Variants in NOC2L observed in about 807,000 individuals in gnomAD.
The protein encoded by NOC2L is nucleolar complex protein 2 homolog.
Under a neutral mutation model 94.2 loss-of-function variants are expected in NOC2L, and 101 were observed. The ratio of observed to expected loss-of-function variants is 1.07; its 90% CI spans 0.91 to 1.26. The LOEUF is 1.26. Among genes scored for constraint, NOC2L ranks in the 50% most tolerant of loss-of-function variants. NOC2L has a pLI of 0.00. For missense variants in NOC2L, 1,076 were observed against 980.1 expected (o/e 1.10, Z -1.31); for synonymous variants, 531 against 413.4 (o/e 1.28, Z -3.45).
In NOC2L at chr1:944,532, A is replaced by C; in HGVS notation, c.*162T>G. ...CCAGCCCAGCCCAGCCCAGCTCTCG[A>C]TACGTTTGGTCTTTCATGCTGAAAA... On this transcript the variant is annotated 3_prime_UTR_variant, in exon 19 of 19. Coordinates refer to ENST00000327044, the MANE Select transcript of NOC2L (RefSeq NM_015658.4). 1.6e-6 allele frequency: 1 copy of C among 623,478 alleles called. No homozygotes were observed. The highest frequency in any genetic ancestry group is 2.7e-6 in the Non-Finnish European group (1 of 368,302). The allele number at this position is 623,478 out of a possible 1,614,324, so 38.6% of individuals were successfully genotyped here.
At chr1:947,896 G>C (rs980806190) in intron 14 of NOC2L, among the ~76,000 whole-genome samples, 1 of 152,250 alleles carries the variant, frequency 6.6e-6, no homozygotes, top group Non-Finnish European at 1.5e-5. Context: ...GGAGGAGGCT[G>C]TTGTGCTCCC....
chr1:948,000 G>C lies in NOC2L; in HGVS notation c.1659+131C>G, dbSNP rs549061523. The C allele has an allele frequency of 7.0e-6, 5 of 709,418 alleles. No individual in the cohort carries two copies. The Admixed American group carries it at 1.2e-4, about 17-fold the overall frequency. The allele number at this position is 709,418 out of a possible 1,614,324, so 43.9% of individuals were successfully genotyped here. ...CCTCCAAGGGGGCCTCACGGGGCGC[G>C]TTGCCAGCAGTCAGGTTCCACCCCA... On this transcript the variant is annotated intron_variant, in intron 14 of 18. Coordinates refer to ENST00000327044, the MANE Select transcript of NOC2L (RefSeq NM_015658.4).
intron 12 of NOC2L, 120 bp from the exon 13 acceptor site, chr1:948,723 C>CTGGCTGGACCCTGGTCACG (rs1642181023): frequency 7.4e-6 from 5 of 679,770 alleles, no homozygotes; most frequent in Admixed American, 2.3e-5. Flanking sequence ...CCCTGGTCAC[C>CTGGCTGGACCCTGGTCACG]CTGGTCCTCA....
At chr1:946,110 G>A (rs2100377044) in intron 16 of NOC2L, 63 bp downstream of exon 16, 2 of 1,220,308 alleles carry the variant, frequency 1.6e-6, no homozygotes, top group Non-Finnish European at 2.4e-6. Flanking sequence ...TCAAGTCATA[G>A]TGCGCTAGAT....
chr1:953,239 G>A lies in NOC2L; in HGVS notation c.938C>T (p.Ala313Val). 1.2e-6 allele frequency: 2 copies of A among 1,613,186 alleles called. No homozygotes were observed. The highest frequency in any genetic ancestry group is 1.1e-5 in the South Asian group (1 of 91,074). The change falls in exon 9 of 19, where the codon GCT becomes GTT. Residue 313 changes from alanine (A) to valine (V), a missense_variant. Ala to Val is a moderately conservative substitution (Grantham distance 64). Transcript: ENST00000327044. Reference protein sequence around the residue: ...STGEESLRVLAFLVLSRVCRH... With the variant: ...STGEESLRVLVFLVLSRVCRH... ...GCAGACTCTGCTGAGGACCAGGAAA[G>A]CCAGCACCCGCAGAGACTCTTCCCC...
chr1:956,401 G>C (rs1215753627), intron 4 of NOC2L, among the ~76,000 whole-genome samples, 186 bp from the exon 5 acceptor site: 1 of 152,180 alleles, frequency 6.6e-6, no homozygotes, highest in African/African-American at 2.4e-5. Context: ...TCTGGGAAGA[G>C]GAGGGAGTCT....
intron 9 of NOC2L, among the ~76,000 whole-genome samples, 199 bp downstream of exon 9, chr1:952,976 G>A (rs954510532): frequency 1.3e-5 from 2 of 152,190 alleles, no homozygotes; most frequent in Non-Finnish European, 2.9e-5. Context: ...GTGGGGCCCT[G>A]AGAAGGCCGA....
At chr1:949,879 C>T (rs1185636957) in intron 12 of NOC2L, among the ~76,000 whole-genome samples, 2 of 152,186 alleles carry the variant, frequency 1.3e-5, no homozygotes, top group Non-Finnish European at 2.9e-5. Context: ...ACCCAGCAAC[C>T]TGGGGACCCA....
intron 4 of NOC2L, 105 bp downstream of exon 4, chr1:956,789 T>C (rs1444729347): frequency 3.9e-6 from 6 of 1,532,428 alleles, no homozygotes; most frequent in Non-Finnish European, 5.3e-6. Flanking sequence ...GCCAGATCTC[T>C]GCCTGGGCAC....
In NOC2L at chr1:953,215, CAG is replaced by C; in HGVS notation, c.960_961del (p.Cys321ProfsTer276). 2 of 1,613,558 alleles carry C rather than the reference CAG, an allele frequency of 1.2e-6. No homozygotes were observed. Among genetic ancestry groups the C allele is most frequent in the Non-Finnish European group, 1.7e-6 (2 of 1,179,800 alleles). The stretch of plus-strand genomic sequence containing the variant: ...AAGGAAAGTGTCCTTCTTGTGCCGG[CAG>C]ACTCTGCTGAGGACCAGGAAAGCCA... On this transcript the variant is annotated frameshift_variant, in exon 9 of 19. Transcript: ENST00000327044. LOFTEE classifies it high-confidence loss of function.
Position 959,068 on chromosome 1 carries a change from G to C in NOC2L, c.40C>G (p.Leu14Val). The C allele has an allele frequency of 1.2e-6, 2 of 1,609,170 alleles. No individual in the cohort carries two copies. The highest frequency in any genetic ancestry group is 8.5e-7 in the Non-Finnish European group (1 of 1,177,398). Residue 14 changes from leucine (L) to valine (V), a missense_variant, in exon 2 of 19, where the codon CTG becomes GTG. Leu to Val is a conservative substitution (Grantham distance 32, BLOSUM62 1). Coordinates refer to ENST00000327044, the MANE Select transcript of NOC2L (RefSeq NM_015658.4). The stretch of plus-strand genomic sequence containing the variant: ...GAAGCTAGGAACTCGTCCACCGTCA[G>C]CTCCGCCAGGCGCCTGCGGGTCACG... ...AGSRKRRLAE[L>V]TVDEFLASGF...
chr1:950,152 G>A (rs1642214261), intron 12 of NOC2L, among the ~76,000 whole-genome samples: 1 of 152,052 alleles, frequency 6.6e-6, no homozygotes, highest in East Asian at 1.9e-4. Context: ...GTGCACACAC[G>A]CACAGGCACA....
chr1:951,353 C>T (rs1451767915), intron 11 of NOC2L, 115 bp from the exon 12 acceptor site: 4 of 790,508 alleles, frequency 5.1e-6, no homozygotes, highest in South Asian at 1.6e-5. Context: ...TAAAGCAGGA[C>T]AAGGCACGTC....
intron 14 of NOC2L, 183 bp from the exon 15 acceptor site, chr1:946,728 C>T (rs912469009): frequency 3.0e-6 from 2 of 670,808 alleles, no homozygotes; most frequent in Middle Eastern, 4.1e-4. Flanking sequence ...ATCAGCCCAC[C>T]CTCTGGGCCA....
chr1:944,852 AG>A lies in NOC2L; in HGVS notation c.2144-53del, dbSNP rs749663003. The A allele has an allele frequency of 1.2e-5, 17 of 1,375,854 alleles. No homozygotes were observed. The South Asian group carries it at 2.2e-4, about 17-fold the overall frequency. The allele number at this position is 1,375,854 out of a possible 1,614,324, so 85.2% of individuals were successfully genotyped here. ...AATTTTGCTTTATCAGGAAGAAGCC[AG>A]CCTTAGAGGTTACTCATCACTAATT... On this transcript the variant is annotated intron_variant, in intron 18 of 18. Coordinates refer to ENST00000327044, the MANE Select transcript of NOC2L (RefSeq NM_015658.4).
chr1:959,050 G>C lies in NOC2L; in HGVS notation c.58C>G (p.Leu20Val). The change falls in exon 2 of 19, where the codon CTA becomes GTA. Residue 20 changes from leucine to valine, a missense_variant. Leu to Val is a conservative substitution (Grantham distance 32, BLOSUM62 1). This residue lies in a region of NOC2L where 457 missense variants were observed against 386.0 expected (regional missense o/e 1.18). Transcript: ENST00000327044. ...GACTCGGAGTCAAAGCCCGAAGCTA[G>C]GAACTCGTCCACCGTCAGCTCCGCC... ...RLAELTVDEF[L>V]ASGFDSESES... is the part of the protein sequence containing the mutation. 1.2e-6 allele frequency: 2 copies of C among 1,611,058 alleles called. No individual in the cohort carries two copies. The highest frequency in any genetic ancestry group is 8.5e-7 in the Non-Finnish European group (1 of 1,178,720).
chr1:946,723 C>T (rs953877077), intron 14 of NOC2L, 178 bp from the exon 15 acceptor site: 2 of 712,352 alleles, frequency 2.8e-6, no homozygotes, highest in African/African-American at 1.8e-5. Flanking sequence ...GCAGAATCAG[C>T]CCACCCTCTG....
At chr1:950,624 CAT>C (rs1472316381) in intron 12 of NOC2L, among the ~76,000 whole-genome samples, 33 of 152,072 alleles carry the variant, frequency 2.2e-4, no homozygotes, top group South Asian at 4.2e-4. Flanking sequence ...GATACACGTG[CAT>C]ACACACATAC....
rs768317412 is a variant in NOC2L at position 956,134 on chromosome 1, T to C, written c.568A>G (p.Ser190Gly). ...AVATTRGDQESAEANKFQVTD... is the reference protein window; with the variant it reads ...AVATTRGDQEGAEANKFQVTD... The stretch of plus-strand genomic sequence containing the variant: ...ACCTGGAATTTGTTGGCCTCAGCAC[T>C]TTCCTGGTCCCCTCGGGTGGTGGCC... The change falls in exon 5 of 19, where the codon AGT becomes GGT. Residue 190 changes from serine to glycine, a missense_variant. This residue lies in a region of NOC2L where 457 missense variants were observed against 386.0 expected (regional missense o/e 1.18). Coordinates refer to ENST00000327044, the MANE Select transcript of NOC2L (RefSeq NM_015658.4). The C allele has an allele frequency of 1.3e-5, 21 of 1,614,016 alleles. No individual in the cohort carries two copies. Among genetic ancestry groups the C allele is most frequent in the Non-Finnish European group, 1.8e-5 (21 of 1,180,020 alleles).
Sources: allele counts gnomAD v4.1 joint callset (sites outside exome capture counted in the v4.1 genomes callset), GRCh38; gene constraint gnomAD v4.1.1; regional missense constraint gnomAD v4.1.1; transcripts MANE v1.5; gene names NCBI Gene and HGNC (gene_info 2026-07-23, HGNC 2026-07-21).